RAB38: variants seen among roughly 807,000 people sequenced by gnomAD.
RAB38 encodes the protein RAB38, member RAS oncogene family, also known as ras-related protein Rab-38.
In RAB38, 15 loss-of-function variants were observed where a neutral mutation model predicts 18.4. The ratio of observed to expected loss-of-function variants is 0.82; its 90% CI spans 0.55 to 1.26. The LOEUF (loss-of-function observed/expected upper bound fraction) is 1.26, where lower values mean the gene tolerates loss of function less well. Among genes scored for constraint, RAB38 ranks in the 50% most tolerant of loss-of-function variants. The pLI is 0.00. For missense variants in RAB38, 294 were observed against 267.4 expected (o/e 1.10, Z -0.69); for synonymous variants, 101 against 104.4 (o/e 0.97, Z 0.20).
chr11:88,035,878 G>A, the RAB38 span, among the ~76,000 whole-genome samples: 1 of 150,932 alleles, frequency 6.6e-6, no homozygotes, highest in African/African-American at 2.4e-5. Context: ...TTTTCTTTTG[G>A]GATCATGGCT....
At chr11:87,929,863 C>T in the RAB38 span, among the ~76,000 whole-genome samples, 1 of 151,938 alleles carries the variant, frequency 6.6e-6, no homozygotes, top group African/African-American at 2.4e-5. Flanking sequence ...TGGTTTCCAG[C>T]TTCATCCATG....
chr11:87,948,023 A>T, the RAB38 span, among the ~76,000 whole-genome samples: 3 of 152,324 alleles, frequency 2.0e-5, no homozygotes, highest in East Asian at 5.8e-4. Flanking sequence ...CTTTGTACCC[A>T]TGAGCATGGA....
the RAB38 span, among the ~76,000 whole-genome samples, chr11:87,853,004 A>C: frequency 6.6e-6 from 1 of 152,188 alleles, no homozygotes; most frequent in Admixed American, 6.5e-5. Context: ...CCTCCTAACA[A>C]AAATATATGT....
chr11:87,863,716 TTCTA>T, the RAB38 span, among the ~76,000 whole-genome samples: 2 of 151,802 alleles, frequency 1.3e-5, no homozygotes, highest in African/African-American at 4.8e-5. Context: ...TAAACCATCT[TTCTA>T]TCTATATTAA....
chr11:88,043,976 C>A, the RAB38 span, among the ~76,000 whole-genome samples: 1 of 152,160 alleles, frequency 6.6e-6, no homozygotes, highest in South Asian at 2.1e-4. Context: ...TTACTCTCTT[C>A]TCCAACCTCT....
chr11:87,940,294 T>C, the RAB38 span, among the ~76,000 whole-genome samples: 1 of 152,104 alleles, frequency 6.6e-6, no homozygotes, highest in Non-Finnish European at 1.5e-5. Flanking sequence ...ATCTGCTGCC[T>C]AGTTTACCTT....
chr11:87,923,837 T>G, the RAB38 span, among the ~76,000 whole-genome samples: 1 of 151,860 alleles, frequency 6.6e-6, no homozygotes, highest in Non-Finnish European at 1.5e-5. Flanking sequence ...CATCACAGTT[T>G]TGTAGTTGAG....
chr11:87,847,054 T>C, the RAB38 span, among the ~76,000 whole-genome samples: 1 of 151,900 alleles, frequency 6.6e-6, no homozygotes, highest in Non-Finnish European at 1.5e-5. Flanking sequence ...TTCAAATGCA[T>C]ATATCAGGAA....
At chr11:87,809,340 T>A in the RAB38 span, among the ~76,000 whole-genome samples, 2 of 152,178 alleles carry the variant, frequency 1.3e-5, no homozygotes, top group African/African-American at 4.8e-5. Flanking sequence ...CAAAAGAATC[T>A]ACATGCCCAG....
the RAB38 span, among the ~76,000 whole-genome samples, chr11:87,877,007 A>G: frequency 6.6e-6 from 1 of 151,642 alleles, no homozygotes; most frequent in Non-Finnish European, 1.5e-5. Flanking sequence ...CACCATCAAC[A>G]AAAGTGAAAT....
At chr11:88,014,843 T>C in the RAB38 span, among the ~76,000 whole-genome samples, 1 of 152,100 alleles carries the variant, frequency 6.6e-6, no homozygotes, top group African/African-American at 2.4e-5. Context: ...AGGGCACTAC[T>C]GGAAATGTTA....
chr11:87,932,403 GCAT>G, the RAB38 span, among the ~76,000 whole-genome samples: 1 of 152,028 alleles, frequency 6.6e-6, no homozygotes, highest in African/African-American at 2.4e-5. Context: ...TGGCAGAAAG[GCAT>G]CATGAAGAGA....
At chr11:87,978,019 A>G in the RAB38 span, among the ~76,000 whole-genome samples, 1 of 92,064 alleles carries the variant, frequency 1.1e-5, no homozygotes, top group Non-Finnish European at 2.1e-5. Flanking sequence ...TTATATAAAT[A>G]TATACTTACA....
chr11:88,018,299 G>A, the RAB38 span, among the ~76,000 whole-genome samples: 16 of 152,198 alleles, frequency 1.1e-4, no homozygotes, highest in Non-Finnish European at 1.6e-4. Context: ...ACTGCAGCAC[G>A]TGCTTCTCAT....
At chr11:88,101,355 T>C in the RAB38 span, among the ~76,000 whole-genome samples, 1 of 152,002 alleles carries the variant, frequency 6.6e-6, no homozygotes, top group Non-Finnish European at 1.5e-5. Flanking sequence ...CTTTGAAACA[T>C]CATTTAAAGG....
the RAB38 span, among the ~76,000 whole-genome samples, chr11:87,872,479 A>G: frequency 6.6e-6 from 1 of 151,524 alleles, no homozygotes; most frequent in Non-Finnish European, 1.5e-5. Flanking sequence ...CAAAGTTTAC[A>G]TTAGCGTTCA....
chr11:87,946,543 G>T, the RAB38 span, among the ~76,000 whole-genome samples: 1 of 148,166 alleles, frequency 6.7e-6, no homozygotes, highest in Non-Finnish European at 1.5e-5. Flanking sequence ...CTCCCCCCTC[G>T]CCCCACCCCA....
At chr11:88,168,832 C>G (rs190301505) in intron 1 of RAB38, among the ~76,000 whole-genome samples, 158 of 152,306 alleles carry the variant, frequency 1.0e-3, no homozygotes, top group Non-Finnish European at 1.9e-3. Flanking sequence ...TTCTTAAATT[C>G]AAGGACTTCA....
chr11:87,971,513 C>T, the RAB38 span, among the ~76,000 whole-genome samples: 7 of 152,098 alleles, frequency 4.6e-5, no homozygotes, highest in Non-Finnish European at 8.8e-5. Context: ...CCTCCCTTCC[C>T]GTCACACCTG....
Sources: allele counts gnomAD v4.1 joint callset (sites outside exome capture counted in the v4.1 genomes callset), GRCh38; gene constraint gnomAD v4.1.1; transcripts MANE v1.5; gene names NCBI Gene and HGNC (gene_info 2026-07-23, HGNC 2026-07-21).